The following RAB40B variants were observed in gnomAD, a reference collection of about 807,000 sequenced individuals.
RAB40B encodes RAB40B, member RAS oncogene family.
In RAB40B, 21 loss-of-function variants were observed where a neutral mutation model predicts 24.0. That is an observed-to-expected ratio of 0.88 (90% CI 0.62 to 1.26). The LOEUF is 1.26. RAB40B is among the 50% of genes most tolerant of loss of function. The pLI, the probability that RAB40B is intolerant of heterozygous loss-of-function variation, is 0.00. For missense variants in RAB40B, 348 were observed against 390.5 expected, an observed-to-expected ratio of 0.89 and a Z score of 0.92; for synonymous variants, 167 against 169.8, an observed-to-expected ratio of 0.98 and a Z score of 0.13.
chr17:82,695,883 A>AT (rs964429432), intron 1 of RAB40B, among the ~76,000 whole-genome samples: 39 of 149,896 alleles, frequency 2.6e-4, no homozygotes, highest in South Asian at 1.1e-3. Flanking sequence ...TCTTGATGGG[A>AT]TTTTTTTTTT....
intron 1 of RAB40B, among the ~76,000 whole-genome samples, chr17:82,683,827 A>G (rs2046469235): frequency 6.6e-6 from 1 of 151,850 alleles, no homozygotes; most frequent in Non-Finnish European, 1.5e-5. Context: ...AAAAAAAGAA[A>G]AGAAAAGAAA....
At chr17:82,673,329 T>C (rs1365731870) in intron 1 of RAB40B, among the ~76,000 whole-genome samples, 3 of 152,266 alleles carry the variant, frequency 2.0e-5, no homozygotes, top group Non-Finnish European at 4.4e-5. Flanking sequence ...TCTCGGTACC[T>C]GCAAACATTC....
Position 82,659,746 on chromosome 17 carries a change from ACTTTC to A in RAB40B, c.265-94_265-90del, listed in dbSNP as rs567544977. The A allele has an allele frequency of 2.0e-4, 198 of 994,826 alleles. 1 individual carries two copies. The African/African-American group carries it at 2.8e-3, about 14-fold the overall frequency. 61.6% of individuals were successfully genotyped at this position (994,826 alleles called of 1,614,324 possible). ...CGCAAAGACATACAACTAAATAACC[ACTTTC>A]CTTATTTTAACACAAAGTACATAAT... On this transcript the variant is annotated intron_variant, in intron 3 of 5. Coordinates refer to ENST00000571995, the MANE Select transcript of RAB40B (RefSeq NM_006822.3).
At chr17:82,662,390 C>T (rs1041830829) in intron 2 of RAB40B, 7 of 985,356 alleles carry the variant, frequency 7.1e-6, no homozygotes, top group African/African-American at 1.7e-5. Context: ...AGGGCCAGCA[C>T]GTGCTGTCAG....
At chr17:82,695,298 T>C (rs2046597828) in intron 1 of RAB40B, among the ~76,000 whole-genome samples, 2 of 150,996 alleles carry the variant, frequency 1.3e-5, no homozygotes, top group East Asian at 3.9e-4. Flanking sequence ...TTCCAGCGAT[T>C]CTCCTGCCTC....
chr17:82,683,952 G>A (rs1568042557), intron 1 of RAB40B, among the ~76,000 whole-genome samples: 1 of 152,136 alleles, frequency 6.6e-6, no homozygotes, highest in African/African-American at 2.4e-5. Flanking sequence ...CGGGCGCAGC[G>A]GCTAACGCCT....
At chr17:82,676,081 G>A (rs1398560715) in intron 1 of RAB40B, among the ~76,000 whole-genome samples, 3 of 152,038 alleles carry the variant, frequency 2.0e-5, no homozygotes, top group Non-Finnish European at 2.9e-5. Flanking sequence ...CATCTCCCCC[G>A]GGTCTCCGTT....
At chr17:82,664,825 C>G (rs1001591891) in intron 1 of RAB40B, 32 of 414,580 alleles carry the variant, frequency 7.7e-5, no homozygotes, top group Admixed American at 4.8e-4. Flanking sequence ...CCGACAGGCA[C>G]TGCAGGGCCT....
At chr17:82,685,152 G>A (rs1210609849) in intron 1 of RAB40B, among the ~76,000 whole-genome samples, 1 of 146,800 alleles carries the variant, frequency 6.8e-6, no homozygotes, top group Admixed American at 6.9e-5. Context: ...CAAGAAGGGA[G>A]ACATTTTACT....
intron 3 of RAB40B, 116 bp from the exon 4 acceptor site, chr17:82,659,773 T>A: frequency 1.3e-6 from 1 of 779,468 alleles, no homozygotes; most frequent in Non-Finnish European, 2.2e-6. Flanking sequence ...ACAAAGTACA[T>A]AATTTTGATT....
At position 82,663,741 on chromosome 17, in the gene RAB40B, G is replaced by T. The variant is rs749846155; in HGVS notation, c.203+755C>A. Among the ~76,000 whole-genome samples the T allele has an allele frequency of 6.6e-6, 1 of 152,148 alleles. No individual in the cohort carries two copies. Among genetic ancestry groups the T allele is most frequent in the South Asian group, 2.1e-4 (1 of 4,834 alleles). On this transcript the variant is annotated intron_variant, in intron 2 of 5. Coordinates refer to ENST00000571995, the MANE Select transcript of RAB40B (RefSeq NM_006822.3). The surrounding 1 kb of genome is among the most constrained non-coding windows in gnomAD (Gnocchi z 6.2). Reference sequence around the variant, plus strand: ...GCTCAGTGGCATCACTGAGCCAGGCGTGGGGGACCCAGGAGCCCCGGGCTG... The same window carrying T: ...GCTCAGTGGCATCACTGAGCCAGGCTTGGGGGACCCAGGAGCCCCGGGCTG...
At position 82,655,724 on chromosome 17, in the gene RAB40B, T is replaced by G. The variant is rs2046081992; in HGVS notation, c.*2139A>C. ...TCTTTGCAGCGTGCCTGCACGAGGC[T>G]GGCCACCCTCTCCAGACACTGTCCC... On this transcript the variant is annotated 3_prime_UTR_variant, in exon 6 of 6. Transcript: ENST00000571995. The G allele has an allele frequency of 6.6e-6, 1 of 152,250 alleles. No homozygotes were observed. The highest frequency in any genetic ancestry group is 1.9e-4 in the East Asian group (1 of 5,192). The allele number at this position is 152,250 out of a possible 1,614,324, so 9.4% of individuals were successfully genotyped here. A position where few individuals can be genotyped will look rare whatever the true frequency, so the allele number is the denominator to read the frequency against.
chr17:82,673,468 A>C, intron 1 of RAB40B, among the ~76,000 whole-genome samples: 1 of 151,076 alleles, frequency 6.6e-6, no homozygotes, highest in South Asian at 2.1e-4. Context: ...TCTTAAGCTG[A>C]CTCCTCTTTT....
chr17:82,676,239 GCACCCC>G (rs1302239285), intron 1 of RAB40B, among the ~76,000 whole-genome samples: 1 of 131,950 alleles, frequency 7.6e-6, no homozygotes, highest in African/African-American at 3.5e-5. Context: ...CACAGTGAGG[GCACCCC>G]TCACCTTCAA....
At chr17:82,684,364 A>G (rs1483248786) in intron 1 of RAB40B, among the ~76,000 whole-genome samples, 2 of 152,188 alleles carry the variant, frequency 1.3e-5, no homozygotes, top group East Asian at 3.8e-4. Context: ...GTCAGTGTGG[A>G]AAAGGGTTTG....
chr17:82,660,255 A>G (rs1311177424), intron 3 of RAB40B, among the ~76,000 whole-genome samples: 1 of 151,566 alleles, frequency 6.6e-6, no homozygotes, highest in Non-Finnish European at 1.5e-5. Context: ...GTGCACATGC[A>G]TGCACATAAA....
In RAB40B at chr17:82,657,083, A is replaced by G. The variant is rs993511892; in HGVS notation, c.*780T>C. On this transcript the variant is annotated 3_prime_UTR_variant, in exon 6 of 6. Coordinates refer to ENST00000571995, the MANE Select transcript of RAB40B (RefSeq NM_006822.3). ...CGCCAACTCTACCAAGAGAGAAACA[A>G]CTATACATTTTATTGTTGAGAAACA... 6.5e-6 allele frequency: 1 copy of G among 152,694 alleles called. No homozygotes were observed. The highest frequency in any genetic ancestry group is 2.4e-5 in the African/African-American group (1 of 41,422). 9.5% of individuals were successfully genotyped at this position (152,694 alleles called of 1,614,324 possible). A position where few individuals can be genotyped will look rare whatever the true frequency, so the allele number is the denominator to read the frequency against.
chr17:82,688,987 T>C (rs1357688852), intron 1 of RAB40B, among the ~76,000 whole-genome samples: 1 of 152,246 alleles, frequency 6.6e-6, no homozygotes, highest in Non-Finnish European at 1.5e-5. Context: ...CTAATATTTT[T>C]ATGCCCAAGC....
chr17:82,693,911 C>T (rs899042286), intron 1 of RAB40B, among the ~76,000 whole-genome samples: 1 of 151,238 alleles, frequency 6.6e-6, no homozygotes, highest in Non-Finnish European at 1.5e-5. Context: ...AGTGAAACCC[C>T]GTCTCTACTA....
Sources: allele counts gnomAD v4.1 joint callset (sites outside exome capture counted in the v4.1 genomes callset), GRCh38; gene constraint gnomAD v4.1.1; non-coding constraint Gnocchi (gnomAD v3.1); transcripts MANE v1.5; gene names NCBI Gene and HGNC (gene_info 2026-07-23, HGNC 2026-07-21).